The following CTNND2 variants were observed in gnomAD, a reference collection of about 807,000 sequenced individuals.
CTNND2 encodes the protein catenin delta-2.
CTNND2 carries 22 observed loss-of-function variants against 144.4 expected under a neutral mutation model. The ratio of observed to expected loss-of-function variants is 0.15; its 90% confidence interval spans 0.11 to 0.22. CTNND2 has a LOEUF of 0.22. Ranked by LOEUF, CTNND2 falls within the 10% of genes least tolerant of loss-of-function variation. The pLI is 1.00. For synonymous variants in CTNND2, 751 were observed against 695.6 expected (o/e 1.08, Z -1.25); for missense variants, 1,353 against 1,618.8 (o/e 0.84, Z 2.82).
At position 11,316,695 on chromosome 5, in the gene CTNND2, T is replaced by C. The variant is rs191416580; in HGVS notation, c.1628+29677A>G. Among the ~76,000 whole-genome samples the C allele has an allele frequency of 8.0e-3, 1,095 of 136,462 alleles. 14 individuals carry two copies. Among genetic ancestry groups the C allele is most frequent in the African/African-American group, 0.028 (1,047 of 37,080 alleles). The allele number at this position is 136,462 out of a possible 152,430, so 89.5% of individuals were successfully genotyped here. ...TGTGATGTTCCCCTTCCTGTGTCCA[T>C]GTGTTCCCATTGTTCAATTCCCGCC... On this transcript the variant is annotated intron_variant, in intron 9 of 21. Coordinates refer to ENST00000304623, the MANE Select transcript of CTNND2 (RefSeq NM_001332.4).
chr5:11,710,924 A>G (rs1029144689), intron 2 of CTNND2, among the ~76,000 whole-genome samples: 3 of 152,204 alleles, frequency 2.0e-5, no homozygotes, highest in African/African-American at 4.8e-5. Flanking sequence ...TAAACATAAG[A>G]AAAACAAGTT....
chr5:11,860,226 C>T (rs1795440166), intron 1 of CTNND2, among the ~76,000 whole-genome samples: 1 of 152,164 alleles, frequency 6.6e-6, no homozygotes, highest in African/African-American at 2.4e-5. Flanking sequence ...AGCAAAATAG[C>T]ACCCACATTT....
intron 3 of CTNND2, among the ~76,000 whole-genome samples, chr5:11,448,092 G>A (rs1479900272): frequency 1.3e-5 from 2 of 152,094 alleles, no homozygotes; most frequent in Non-Finnish European, 2.9e-5. Flanking sequence ...AGGATGAGTG[G>A]GTGTGCAGAT....
chr5:11,000,849 A>G (rs1739882746), intron 18 of CTNND2, among the ~76,000 whole-genome samples: 1 of 152,146 alleles, frequency 6.6e-6, no homozygotes, highest in African/African-American at 2.4e-5. Context: ...TCTTTAGGTT[A>G]TTCCGGGTAG....
At chr5:11,845,947 A>G (rs1039739511) in intron 1 of CTNND2, among the ~76,000 whole-genome samples, 1 of 152,226 alleles carries the variant, frequency 6.6e-6, no homozygotes, top group Non-Finnish European at 1.5e-5. Flanking sequence ...CGTGAGAAAG[A>G]GAAACTTTGA....
intron 1 of CTNND2, among the ~76,000 whole-genome samples, chr5:11,765,130 T>C (rs1267422980): frequency 6.9e-6 from 1 of 145,710 alleles, no homozygotes. Flanking sequence ...ACCAATTTAA[T>C]GCAGACAAGC....
intron 3 of CTNND2, among the ~76,000 whole-genome samples, chr5:11,562,067 G>A (rs1172725145): frequency 6.6e-6 from 1 of 151,960 alleles, no homozygotes; most frequent in South Asian, 2.1e-4. Flanking sequence ...AAGAGAGAGA[G>A]ATCTTGGGAA....
chr5:11,422,215 C>CT (rs919441400), intron 3 of CTNND2, among the ~76,000 whole-genome samples: 5 of 142,106 alleles, frequency 3.5e-5, no homozygotes, highest in Middle Eastern at 3.2e-3. Context: ...TATTGTCTAC[C>CT]TTTTTTTCCC....
chr5:11,727,287 A>G (rs529235553), intron 2 of CTNND2, among the ~76,000 whole-genome samples: 3 of 152,276 alleles, frequency 2.0e-5, no homozygotes, highest in East Asian at 3.9e-4. Flanking sequence ...CTGGAACTCT[A>G]AACACCCCAT....
At position 11,880,851 on chromosome 5, in the gene CTNND2, CACT is replaced by C. The variant is rs1403471947; in HGVS notation, c.37+22963_37+22965del. Among the ~76,000 whole-genome samples, 31 of 126,560 alleles carry C rather than the reference CACT, an allele frequency of 2.4e-4. 1 individual carries two copies. Among genetic ancestry groups the C allele is most frequent in the Non-Finnish European group, 4.2e-4 (25 of 59,904 alleles). 83.0% of individuals were successfully genotyped at this position (126,560 alleles called of 152,430 possible). ...CCACTACTACCACTACTACTACCACCACTACTACTACCACTACTACTGCTACTA... is the reference window on the plus strand; with the variant it reads ...CCACTACTACCACTACTACTACCACCACTACTACCACTACTACTGCTACTA... On this transcript the variant is annotated intron_variant, in intron 1 of 21. Coordinates refer to ENST00000304623, the MANE Select transcript of CTNND2 (RefSeq NM_001332.4).
At chr5:11,111,804 CAT>C (rs1209198682) in intron 13 of CTNND2, among the ~76,000 whole-genome samples, 1 of 151,898 alleles carries the variant, frequency 6.6e-6, no homozygotes, top group Non-Finnish European at 1.5e-5. Flanking sequence ...TGAGCTAAAA[CAT>C]GTGTGTGGTA....
intron 16 of CTNND2, among the ~76,000 whole-genome samples, chr5:11,065,171 C>A (rs1402955304): frequency 2.0e-5 from 3 of 152,178 alleles, no homozygotes; most frequent in Non-Finnish European, 4.4e-5. Flanking sequence ...CTGCTTTAAG[C>A]CAAGCTGGAA....
At chr5:11,476,747 T>A (rs1010836876) in intron 3 of CTNND2, among the ~76,000 whole-genome samples, 2 of 152,302 alleles carry the variant, frequency 1.3e-5, no homozygotes, top group East Asian at 1.9e-4. Context: ...CACTTAAAAA[T>A]GTAAAGTGCT....
intron 2 of CTNND2, among the ~76,000 whole-genome samples, chr5:11,703,022 T>C (rs1242210660): frequency 1.3e-5 from 2 of 152,258 alleles, no homozygotes; most frequent in East Asian, 1.9e-4. Context: ...AGAAAAATTC[T>C]AGGATGACGC....
At chr5:11,484,311 G>T (rs116235182) in intron 3 of CTNND2, among the ~76,000 whole-genome samples, 3,731 of 152,216 alleles carry the variant, frequency 0.025, 167 homozygotes, top group African/African-American at 0.086. Flanking sequence ...AGTTGAATTT[G>T]GCTCCGAATC....
intron 2 of CTNND2, among the ~76,000 whole-genome samples, chr5:11,697,573 T>A (rs1424054514): frequency 1.3e-5 from 2 of 152,186 alleles, no homozygotes; most frequent in Non-Finnish European, 2.9e-5. Context: ...ATGGCATACA[T>A]CAATCTATTC....
chr5:11,707,245 C>T (rs1431567848), intron 2 of CTNND2, among the ~76,000 whole-genome samples: 1 of 152,008 alleles, frequency 6.6e-6, no homozygotes, highest in Non-Finnish European at 1.5e-5. Context: ...AGGGAAGCTA[C>T]TAAAATAAGA....
intron 16 of CTNND2, among the ~76,000 whole-genome samples, chr5:11,029,652 C>T (rs772571261): frequency 7.9e-5 from 12 of 152,016 alleles, no homozygotes; most frequent in South Asian, 6.2e-4. Flanking sequence ...TTTTTAAAAA[C>T]GAATTATGTA....
chr5:11,199,603 T>C lies in CTNND2; in HGVS notation c.1820A>G (p.Glu607Gly), dbSNP rs1308265705. 1.2e-6 allele frequency: 2 copies of C among 1,614,074 alleles called. No individual in the cohort carries two copies. Among genetic ancestry groups the C allele is most frequent in the African/African-American group, 2.7e-5 (2 of 74,928 alleles). Residue 607 changes from glutamate to glycine, a missense_variant, in exon 11 of 22, where the codon GAA (glutamate) becomes GGA (glycine). Glu to Gly is a moderately conservative substitution (Grantham distance 98). Coordinates refer to ENST00000304623, the MANE Select transcript of CTNND2 (RefSeq NM_001332.4). ...LVDLLDHRMT[E>G]VHRSACGALR... is the part of the protein sequence containing the mutation. Reference sequence around the variant, plus strand: ...AGCTCCACAGGCACTACGGTGGACTTCGGTCATCCGATGATCCAACAGGTC... The same window carrying C: ...AGCTCCACAGGCACTACGGTGGACTCCGGTCATCCGATGATCCAACAGGTC...
Sources: gnomAD v4.1 joint callset for allele counts (sites outside exome capture counted in the v4.1 genomes callset) on GRCh38, gnomAD v4.1.1 for gene constraint, MANE v1.5 for transcripts, NCBI Gene and HGNC (gene_info 2026-07-23, HGNC 2026-07-21) for gene names.